Variants in ACOT7 observed in about 807,000 individuals in gnomAD.
The protein encoded by ACOT7 is acyl-CoA thioesterase 7.
A neutral mutation model predicts 40.2 loss-of-function variants in ACOT7; 12 were observed. The observed-to-expected ratio is 0.30, with a 90% CI of 0.19 to 0.48. ACOT7 has a LOEUF of 0.48. ACOT7 is among the 20% of genes least tolerant of loss of function. The pLI is 0.99. For synonymous variants in ACOT7, 228 were observed against 219.5 expected (o/e 1.04, Z -0.34); for missense variants, 395 against 530.8 (o/e 0.74, Z 2.51).
rs1642574327 is a variant in ACOT7 at position 6,393,503 on chromosome 1, GC to G, written c.-105del. The G allele has an allele frequency of 3.8e-6, 4 of 1,054,912 alleles. No individual in the cohort carries two copies. In the African/African-American group the frequency reaches 5.0e-5, roughly 13 times the overall value. The allele number at this position is 1,054,912 out of a possible 1,614,324, so 65.3% of individuals were successfully genotyped here. A position where few individuals can be genotyped will look rare whatever the true frequency, so the allele number is the denominator to read the frequency against. On this transcript the variant is annotated 5_prime_UTR_variant, in exon 1 of 9. Coordinates refer to ENST00000361521, the MANE Select transcript of ACOT7 (RefSeq NM_007274.4). ...CCGCGCCGACCCCGCCCCCGCGCCG[GC>G]CCCACCCCGAGCCCCGCCTCCCAGG...
In ACOT7 at chr1:6,306,259, A is replaced by G; in HGVS notation, c.713-11279T>C. On this transcript the variant is annotated intron_variant, in intron 6 of 8. Coordinates refer to ENST00000361521, the MANE Select transcript of ACOT7 (RefSeq NM_007274.4). The surrounding 1 kb of genome is among the most constrained non-coding windows in gnomAD (Gnocchi z 4.3). ...GAGGACGTTCTTACGGTTCATGGCA[A>G]GACCTCAACCAAATACTCCATATTT... 1.0e-6 allele frequency: 1 copy of G among 985,034 alleles called. No individual in the cohort carries two copies. Among genetic ancestry groups the G allele is most frequent in the Non-Finnish European group, 1.2e-6 (1 of 829,862 alleles). 61.0% of individuals were successfully genotyped at this position (985,034 alleles called of 1,614,324 possible).
chr1:6,349,899 G>A, intron 1 of ACOT7, 33 bp from the exon 2 acceptor site: 1 of 1,599,136 alleles, frequency 6.3e-7, no homozygotes, highest in Non-Finnish European at 8.6e-7. Flanking sequence ...TGAGGCCTCT[G>A]GAGAGGATGC....
In ACOT7 at chr1:6,339,447, T is replaced by G. The variant is rs777409465; in HGVS notation, c.404A>C (p.Glu135Ala). The change falls in exon 3 of 9, where the codon GAA becomes GCA. Residue 135 changes from glutamate to alanine, a missense_variant. By Grantham distance (107) the Glu-to-Ala change is moderately radical. Coordinates refer to ENST00000361521, the MANE Select transcript of ACOT7 (RefSeq NM_007274.4). ...CCCAGAAGTACCTGTGAGGATGTTT[T>G]CGGACATCACGTTGACCTGCACCTC... is the stretch of plus-strand genomic sequence containing the variant. ...SVEVQVNVMS[E>A]NILTGAKKLT... 1 of 1,613,356 alleles carries G rather than the reference T, an allele frequency of 6.2e-7. No individual in the cohort carries two copies. Among genetic ancestry groups the G allele is most frequent in the Non-Finnish European group, 8.5e-7 (1 of 1,180,022 alleles).
rs1413828277 is a variant in ACOT7, at chr1:6,275,560, T to C, written c.1014+5542A>G. On this transcript the variant is annotated intron_variant, in intron 8 of 8. Transcript: ENST00000361521. The surrounding 1 kb of genome is among the most constrained non-coding windows in gnomAD (Gnocchi z 5.6). ...GGTGAAACCCCATTTCTACTAAAAA[T>C]ACAAAAATTAATAAGGAATGGTGGC... Among the ~76,000 whole-genome samples the C allele has an allele frequency of 6.6e-6, 1 of 151,656 alleles. No homozygotes were observed. The highest frequency in any genetic ancestry group is 2.4e-5 in the African/African-American group (1 of 41,282).
chr1:6,312,528 C>A (rs1330452132), intron 6 of ACOT7, among the ~76,000 whole-genome samples: 3 of 148,786 alleles, frequency 2.0e-5, no homozygotes, highest in Non-Finnish European at 3.0e-5. Flanking sequence ...ATTGGAGTGG[C>A]ATGATCTTGG....
Position 6,311,479 on chromosome 1 carries a change from G to A in ACOT7, c.712+7013C>T, listed in dbSNP as rs1640329929. 6.6e-6 allele frequency among the ~76,000 whole-genome samples: 1 copy of A among 152,138 alleles called. No homozygotes were observed. Among genetic ancestry groups the A allele is most frequent in the Non-Finnish European group, 1.5e-5 (1 of 68,034 alleles). On this transcript the variant is annotated intron_variant, in intron 6 of 8. Coordinates refer to ENST00000361521, the MANE Select transcript of ACOT7 (RefSeq NM_007274.4). The surrounding 1 kb of genome is among the most constrained non-coding windows in gnomAD (Gnocchi z 5.2). ...CCGGGTCAGTTCCCCCAACAAAACC[G>A]GTCCAGGGCAGGGCTGGAGCTGCCG...
chr1:6,292,889 C>CTTTTTTTT (rs973103642), intron 7 of ACOT7, among the ~76,000 whole-genome samples: 6 of 125,100 alleles, frequency 4.8e-5, no homozygotes, highest in African/African-American at 9.2e-5. Context: ...ATTTCTTTTT[C>CTTTTTTTT]TTTTTTTTTT....
Position 6,311,979 on chromosome 1 carries a change from C to CAG in ACOT7, c.712+6511_712+6512dup, listed in dbSNP as rs1640344095. On this transcript the variant is annotated intron_variant, in intron 6 of 8. Transcript: ENST00000361521. The surrounding 1 kb of genome is among the most constrained non-coding windows in gnomAD (Gnocchi z 5.2). ...TTCCCCAAGTGACCTTAATAGGCAGCAGAGACGAGGTCACAGATCCAACCT... is the reference window on the plus strand; with the variant it reads ...TTCCCCAAGTGACCTTAATAGGCAGCAGAGAGACGAGGTCACAGATCCAACCT... 1.3e-5 allele frequency among the ~76,000 whole-genome samples: 2 copies of CAG among 152,140 alleles called. No individual in the cohort carries two copies. The highest frequency in any genetic ancestry group is 2.9e-5 in the Non-Finnish European group (2 of 68,028).
At chr1:6,319,038 C>T (rs1640569615) in intron 5 of ACOT7, among the ~76,000 whole-genome samples, 1 of 152,136 alleles carries the variant, frequency 6.6e-6, no homozygotes, top group South Asian at 2.1e-4. Flanking sequence ...AGCCCCCAAC[C>T]CCATTCACTG....
chr1:6,393,556 G>T lies in ACOT7; in HGVS notation c.-157C>A. 1 of 621,920 alleles carries T rather than the reference G, an allele frequency of 1.6e-6. No homozygotes were observed. Among genetic ancestry groups the T allele is most frequent in the Non-Finnish European group, 2.3e-6 (1 of 444,130 alleles). The allele number at this position is 621,920 out of a possible 1,614,324, so 38.5% of individuals were successfully genotyped here. ...CGCCAAGGCTGCAGAGAGCTCGCGCGGGCGTACGATTCTGGCGGCGTGGGG... is the reference window on the plus strand; with the variant it reads ...CGCCAAGGCTGCAGAGAGCTCGCGCTGGCGTACGATTCTGGCGGCGTGGGG... On this transcript the variant is annotated 5_prime_UTR_variant, in exon 1 of 9. Transcript: ENST00000361521.
chr1:6,299,133 T>A lies in ACOT7; in HGVS notation c.713-4153A>T, dbSNP rs1639894853. ...TCCGCCACTGCCGGCTGGGTGACCT[T>A]GGGCAGGCAGGTTGCCCTCCCTGAG... is the stretch of plus-strand genomic sequence containing the variant. On this transcript the variant is annotated intron_variant, in intron 6 of 8. Transcript: ENST00000361521. This position sits in a 1 kb window ranked among gnomAD's most constrained non-coding sequence, Gnocchi z 4.1. Among the ~76,000 whole-genome samples the A allele has an allele frequency of 6.6e-6, 1 of 152,212 alleles. No individual in the cohort carries two copies.
intron 6 of ACOT7, among the ~76,000 whole-genome samples, chr1:6,316,030 T>G (rs1204834258): frequency 6.6e-6 from 1 of 152,148 alleles, no homozygotes; most frequent in Non-Finnish European, 1.5e-5. Context: ...AAAGAAAGAC[T>G]GGGCTTAAGG....
At position 6,294,874 on chromosome 1, in the gene ACOT7, C is replaced by T; in HGVS notation, c.819G>A (p.Lys273=). 1 of 1,613,984 alleles carries T rather than the reference C, an allele frequency of 6.2e-7. No individual in the cohort carries two copies. The highest frequency in any genetic ancestry group is 8.5e-7 in the Non-Finnish European group (1 of 1,179,916). The part of the protein sequence containing the change: ...ASVDAINFHD[K]IRKGCVITIS... ...CAGAAGAGTGGTTACCTTTTCTGAT[C>T]TTGTCATGAAAATTAATGGCGTCCA... The change falls in exon 7 of 9, where the codon AAG becomes AAA. Residue 273 remains lysine (K), a synonymous_variant. Coordinates refer to ENST00000361521, the MANE Select transcript of ACOT7 (RefSeq NM_007274.4). The surrounding 1 kb of genome is among the most constrained non-coding windows in gnomAD (Gnocchi z 4.6).
chr1:6,339,860 C>T (rs1242660703), intron 2 of ACOT7, among the ~76,000 whole-genome samples: 2 of 151,286 alleles, frequency 1.3e-5, no homozygotes, highest in African/African-American at 4.9e-5. Context: ...CTGCCTCAGC[C>T]TCCCGAGTAG....
chr1:6,349,927 C>A, intron 1 of ACOT7, 61 bp from the exon 2 acceptor site: 3 of 1,535,986 alleles, frequency 2.0e-6, no homozygotes, highest in Non-Finnish European at 2.7e-6. Context: ...GCAACAGTGA[C>A]AATCCAAGGA....
At chr1:6,340,905 G>A (rs112957334) in intron 2 of ACOT7, among the ~76,000 whole-genome samples, 5 of 151,964 alleles carry the variant, frequency 3.3e-5, no homozygotes, top group Admixed American at 1.3e-4. Context: ...GCGTGGCGGT[G>A]CACATCTGTA....
chr1:6,365,492 G>A (rs1056852046), intron 1 of ACOT7, among the ~76,000 whole-genome samples: 4 of 151,936 alleles, frequency 2.6e-5, no homozygotes, highest in African/African-American at 4.8e-5. Context: ...TATTGCAATC[G>A]GGCATGGTGG....
At chr1:6,345,612 C>T (rs763201265) in intron 2 of ACOT7, among the ~76,000 whole-genome samples, 43 of 152,198 alleles carry the variant, frequency 2.8e-4, no homozygotes, top group Admixed American at 7.2e-4. Flanking sequence ...AATTGACAAA[C>T]GTCAAGTGCG....
chr1:6,342,610 G>A (rs1388957850), intron 2 of ACOT7, among the ~76,000 whole-genome samples: 2 of 152,200 alleles, frequency 1.3e-5, no homozygotes, highest in Non-Finnish European at 2.9e-5. Flanking sequence ...TGCGACTACA[G>A]GCACATGCAA....
Sources: allele counts gnomAD v4.1 joint callset (sites outside exome capture counted in the v4.1 genomes callset), GRCh38; gene constraint gnomAD v4.1.1; non-coding constraint Gnocchi (gnomAD v3.1); transcripts MANE v1.5; gene names NCBI Gene and HGNC (gene_info 2026-07-23, HGNC 2026-07-21).